The following BPIFB4 variants were observed in gnomAD, a reference collection of about 807,000 sequenced individuals.
BPIFB4 encodes the protein BPI fold containing family B member 4.
In BPIFB4, 62 loss-of-function variants were observed where a neutral mutation model predicts 69.2. The observed-to-expected ratio is 0.90, with a 90% CI of 0.73 to 1.11. The LOEUF (loss-of-function observed/expected upper bound fraction) is 1.11, where lower values mean the gene tolerates loss of function less well. BPIFB4 is among the 50% of genes least tolerant of loss of function. The pLI is 0.00. For missense variants in BPIFB4, 789 were observed against 792.0 expected (o/e 1.00, Z 0.04); for synonymous variants, 330 against 332.7 (o/e 0.99, Z 0.09).
At chr20:33,100,678 G>A (rs978523730) in intron 14 of BPIFB4, among the ~76,000 whole-genome samples, 185 bp downstream of exon 14, 4 of 152,204 alleles carry the variant, frequency 2.6e-5, no homozygotes, top group African/African-American at 4.8e-5. Context: ...GGGTGAAGCC[G>A]TGAACTTAGA....
At chr20:33,085,113 C>T (rs1981385567) in intron 6 of BPIFB4, 117 bp downstream of exon 6, 2 of 1,476,474 alleles carry the variant, frequency 1.4e-6, no homozygotes, top group Non-Finnish European at 1.8e-6. Flanking sequence ...AGACTTGCAC[C>T]AGAGGCCATC....
intron 7 of BPIFB4, among the ~76,000 whole-genome samples, chr20:33,087,913 G>T (rs1981482011): frequency 6.6e-6 from 1 of 152,152 alleles, no homozygotes; most frequent in Admixed American, 6.5e-5. Context: ...TTTATTTCAA[G>T]AAATTCTTTG....
intron 8 of BPIFB4, 76 bp from the exon 9 acceptor site, chr20:33,089,422 T>TA (rs1174846206): frequency 3.7e-6 from 6 of 1,605,584 alleles, no homozygotes; most frequent in Non-Finnish European, 5.1e-6. Context: ...TAGCTATCGT[T>TA]ACTCTTGCGT....
rs777001829 is a variant in BPIFB4, at chr20:33,088,981, C to T, written c.942C>T (p.Leu314=). The change falls in exon 8 of 18, where the codon CTC becomes CTT. Residue 314 remains leucine, a synonymous_variant. Transcript: ENST00000375483. ...VKLLRGLLPN[L]VDNLVNRVLA... ...GTCTCCTTAGGCTTCTCCCCAATCT[C>T]GTGGACAATTTAGTGAACCGAGTCC... 29 of 1,613,774 alleles carry T rather than the reference C, an allele frequency of 1.8e-5. No individual in the cohort carries two copies. The highest frequency in any genetic ancestry group is 3.3e-5 in the Admixed American group (2 of 59,984).
chr20:33,090,627 C>G (rs899964569), intron 9 of BPIFB4, 81 bp from the exon 10 acceptor site: 4 of 1,581,870 alleles, frequency 2.5e-6, no homozygotes, highest in Admixed American at 3.4e-5. Flanking sequence ...CTACCTTGTC[C>G]ATCCCCAGCC....
In BPIFB4 at chr20:33,089,231, C is replaced by G. The variant is rs538706633; in HGVS notation, c.990+202C>G. ...ATTAGTGAAGGGCTAAGGAGAGGGACCTTGAGAATTGCACAGTTCCGGGTT... is the reference window on the plus strand; with the variant it reads ...ATTAGTGAAGGGCTAAGGAGAGGGAGCTTGAGAATTGCACAGTTCCGGGTT... On this transcript the variant is annotated intron_variant, in intron 8 of 17. Coordinates refer to ENST00000375483, the MANE Select transcript of BPIFB4 (RefSeq NM_182519.3). Among the ~76,000 whole-genome samples, 8 of 152,260 alleles carry G rather than the reference C, an allele frequency of 5.3e-5. No homozygotes were observed. In the East Asian group the frequency reaches 1.5e-3, roughly 29 times the overall value.
rs75574765 is a variant in BPIFB4 at position 33,087,039 on chromosome 20, G to A, written c.926+875G>A. Among the ~76,000 whole-genome samples, 1,413 of 152,188 alleles carry A rather than the reference G, an allele frequency of 9.3e-3. 16 individuals carry two copies. Among genetic ancestry groups the A allele is most frequent in the African/African-American group, 0.031 (1,286 of 41,504 alleles). ...TTGAACCCCAAACTTTCTGATTCCC[G>A]TGGGCTTCTTGGAGACTTTACTTCT... On this transcript the variant is annotated intron_variant, in intron 7 of 17. Transcript: ENST00000375483.
chr20:33,090,627 C>T (rs899964569), intron 9 of BPIFB4, 81 bp from the exon 10 acceptor site: 1 of 1,581,870 alleles, frequency 6.3e-7, no homozygotes, highest in Non-Finnish European at 8.6e-7. Context: ...CTACCTTGTC[C>T]ATCCCCAGCC....
rs1397560954 is a variant in BPIFB4, at chr20:33,092,588, A to C, written c.1274A>C (p.Asn425Thr). Residue 425 changes from asparagine (N) to threonine (T), a missense_variant, in exon 11 of 18, where the codon AAC (asparagine) becomes ACC (threonine). Transcript: ENST00000375483. ...NTKSQLAMSA[N>T]FLGSVLTLLQ... ...AAGTCCCAGCTGGCCATGTCTGCCA[A>C]CTTCCTGGGCTCAGTGCTGACTCTA... is the stretch of plus-strand genomic sequence containing the variant. 3 of 1,613,832 alleles carry C rather than the reference A, an allele frequency of 1.9e-6. No individual in the cohort carries two copies. The African/African-American group carries it at 4.0e-5, about 22-fold the overall frequency.
In BPIFB4 at chr20:33,111,510, A is replaced by C. The variant is rs1982237825; in HGVS notation, c.*73A>C. 1.3e-6 allele frequency: 2 copies of C among 1,582,650 alleles called. No individual in the cohort carries two copies. Among genetic ancestry groups the C allele is most frequent in the African/African-American group, 2.7e-5 (2 of 74,308 alleles). On this transcript the variant is annotated 3_prime_UTR_variant, in exon 18 of 18. Coordinates refer to ENST00000375483, the MANE Select transcript of BPIFB4 (RefSeq NM_182519.3). ...TCCCAGAGAGGCTCGGCCTGGAAAC[A>C]GTCCCCTGCCCAGAGTCCCCTCAGC...
At chr20:33,096,548 T>A (rs768338863) in intron 12 of BPIFB4, among the ~76,000 whole-genome samples, 15 of 152,140 alleles carry the variant, frequency 9.9e-5, no homozygotes, top group Non-Finnish European at 1.9e-4. Context: ...GTGCTGGGAG[T>A]ACAGGCATGA....
intron 16 of BPIFB4, among the ~76,000 whole-genome samples, chr20:33,105,741 C>A (rs567589910): frequency 3.9e-5 from 6 of 152,282 alleles, no homozygotes; most frequent in Admixed American, 3.9e-4. Flanking sequence ...GTTCTGGGCC[C>A]TGTGGTCAGA....
intron 9 of BPIFB4, 23 bp from the exon 10 acceptor site, chr20:33,090,685 G>A (rs1450997976): frequency 6.2e-7 from 1 of 1,613,420 alleles, no homozygotes; most frequent in East Asian, 2.2e-5. Flanking sequence ...GGACCTCCCT[G>A]TGACCCTCTC....
At chr20:33,082,883 G>A (rs982166309) in intron 3 of BPIFB4, 55 bp from the exon 4 acceptor site, 63 of 1,530,382 alleles carry the variant, frequency 4.1e-5, no homozygotes, top group South Asian at 2.6e-4. Context: ...CTGCCTGGGG[G>A]CTGGAGGTGG....
chr20:33,097,046 G>A (rs954483977), intron 12 of BPIFB4, among the ~76,000 whole-genome samples: 74 of 152,294 alleles, frequency 4.9e-4, no homozygotes, highest in African/African-American at 1.4e-3. Flanking sequence ...GGGCTCGGGG[G>A]CAGCCTGTGC....
rs577589403 is a variant in BPIFB4 at position 33,084,921 on chromosome 20, G to A, written c.707G>A (p.Arg236Gln). ...GLRIVELTLP[R>Q]VSVRLLPGVG... is the part of the protein sequence containing the mutation. ...CGTATCGTGGAGCTGACCCTCCCTCGGGTGTCCGTGCGGCTCCTGCCCGGC... is the reference window on the plus strand; with the variant it reads ...CGTATCGTGGAGCTGACCCTCCCTCAGGTGTCCGTGCGGCTCCTGCCCGGC... Residue 236 changes from arginine (R) to glutamine (Q), a missense_variant, in exon 6 of 18, where the codon CGG (arginine) becomes CAG (glutamine). Physicochemically the swap from Arg to Gln is conservative, Grantham distance 43 (BLOSUM62 1). Transcript: ENST00000375483. The A allele has an allele frequency of 2.5e-5, 41 of 1,610,340 alleles. No homozygotes were observed. The Admixed American group carries it at 2.7e-4, about 10-fold the overall frequency.
chr20:33,081,936 T>G (rs1228753051), intron 3 of BPIFB4, among the ~76,000 whole-genome samples: 2 of 152,238 alleles, frequency 1.3e-5, no homozygotes, highest in African/African-American at 4.8e-5. Context: ...CTTAAGTTCA[T>G]GACTTGAGTT....
intron 17 of BPIFB4, among the ~76,000 whole-genome samples, chr20:33,110,695 TTCCATTTATTTATTTA>T (rs1982209341): frequency 6.6e-6 from 1 of 152,074 alleles, no homozygotes; most frequent in South Asian, 2.1e-4. Flanking sequence ...GTCCCTTCTC[TTCCATTTATTTATTTA>T]TCCATTTAAT....
At chr20:33,093,700 C>G (rs1981676326) in intron 11 of BPIFB4, among the ~76,000 whole-genome samples, 1 of 151,534 alleles carries the variant, frequency 6.6e-6, no homozygotes, top group African/African-American at 2.4e-5. Flanking sequence ...TATCCACTCA[C>G]TCACCCACCC....
Sources: allele counts gnomAD v4.1 joint callset (sites outside exome capture counted in the v4.1 genomes callset), GRCh38; gene constraint gnomAD v4.1.1; transcripts MANE v1.5; gene names NCBI Gene and HGNC (gene_info 2026-07-23, HGNC 2026-07-21).